Variants in CLXN observed in about 807,000 individuals in gnomAD.
CLXN encodes EF-hand calcium binding domain 1.
At chr8:48,727,434 G>A in the CLXN span, among the ~76,000 whole-genome samples, 5 of 152,146 alleles carry the variant, frequency 3.3e-5, no homozygotes, top group South Asian at 2.1e-4. Context: ...GATGAACAGG[G>A]AAGATTGTTA....
the CLXN span, among the ~76,000 whole-genome samples, chr8:48,728,714 A>G: frequency 6.6e-6 from 1 of 152,232 alleles, no homozygotes; most frequent in South Asian, 2.1e-4. Context: ...TATCATTATA[A>G]TAATATGTAT....
the CLXN span, chr8:48,731,617 T>C: frequency 1.4e-5 from 11 of 798,548 alleles, no homozygotes; most frequent in Non-Finnish European, 1.7e-5. Flanking sequence ...TAGGTAATTG[T>C]CAATAGAAGA....
At chr8:48,730,529 T>C in the CLXN span, 7 of 1,572,948 alleles carry the variant, frequency 4.5e-6, no homozygotes, top group Admixed American at 3.4e-5. Flanking sequence ...TAGGACAACC[T>C]GCAATCTTAC....
the CLXN span, among the ~76,000 whole-genome samples, chr8:48,718,354 T>C: frequency 3.9e-5 from 6 of 152,188 alleles, no homozygotes; most frequent in South Asian, 4.1e-4. Flanking sequence ...GGAATAAATT[T>C]ATAGCAATAC....
chr8:48,720,455 G>A, the CLXN span, among the ~76,000 whole-genome samples: 3 of 152,152 alleles, frequency 2.0e-5, no homozygotes, highest in African/African-American at 4.8e-5. Flanking sequence ...TTGTGCAGTT[G>A]AGATAAGGAC....
At chr8:48,722,540 T>C in the CLXN span, among the ~76,000 whole-genome samples, 2 of 152,164 alleles carry the variant, frequency 1.3e-5, no homozygotes, top group East Asian at 1.9e-4. Flanking sequence ...TAACTGTCAA[T>C]GAATAAATGA....
chr8:48,735,251 G>T, the CLXN span: 2 of 1,353,598 alleles, frequency 1.5e-6, no homozygotes, highest in African/African-American at 1.4e-5. Flanking sequence ...GGGTCAACGC[G>T]GTGAGGTCTC....
chr8:48,735,156 G>A, the CLXN span: 2 of 1,614,020 alleles, frequency 1.2e-6, no homozygotes, highest in Non-Finnish European at 1.7e-6. Flanking sequence ...GTTCATGTCT[G>A]GCGCTCAGAG....
chr8:48,716,915 CT>C, the CLXN span, among the ~76,000 whole-genome samples: 3 of 152,144 alleles, frequency 2.0e-5, no homozygotes, highest in Non-Finnish European at 4.4e-5. Flanking sequence ...TGGCTGAAAA[CT>C]TCCCAAATCT....
the CLXN span, chr8:48,730,710 T>G: frequency 2.3e-6 from 2 of 852,980 alleles, no homozygotes; most frequent in Non-Finnish European, 3.7e-6. Context: ...GTATCTACAT[T>G]GGCATCACTC....
the CLXN span, chr8:48,729,194 A>G: frequency 7.0e-7 from 1 of 1,428,310 alleles, no homozygotes; most frequent in South Asian, 1.2e-5. Flanking sequence ...TGATTACTGC[A>G]AATACATGCT....
chr8:48,718,125 G>C, the CLXN span, among the ~76,000 whole-genome samples: 1 of 152,116 alleles, frequency 6.6e-6, no homozygotes, highest in Non-Finnish European at 1.5e-5. Flanking sequence ...TAGGAGGAAA[G>C]TTAAAGGATG....
the CLXN span, chr8:48,730,720 CA>C: frequency 1.3e-6 from 1 of 775,630 alleles, no homozygotes; most frequent in Non-Finnish European, 2.0e-6. Context: ...TGGCATCACT[CA>C]CTTTTAAAAT....
the CLXN span, among the ~76,000 whole-genome samples, chr8:48,731,191 C>T: frequency 2.6e-5 from 4 of 152,148 alleles, no homozygotes; most frequent in Non-Finnish European, 5.9e-5. Context: ...AATATTACCT[C>T]CTTTTCTATG....
chr8:48,731,516 AAT>A, the CLXN span: 1 of 1,579,122 alleles, frequency 6.3e-7, no homozygotes, highest in African/African-American at 1.4e-5. Context: ...GAAATAATAA[AAT>A]AGATATAACA....
At chr8:48,730,614 C>A in the CLXN span, 1 of 1,610,812 alleles carries the variant, frequency 6.2e-7, no homozygotes. Context: ...ATTTACACAG[C>A]CATCATTATC....
chr8:48,732,015 C>T, the CLXN span, among the ~76,000 whole-genome samples: 6 of 152,076 alleles, frequency 3.9e-5, no homozygotes, highest in African/African-American at 1.4e-4. Context: ...AGCTTTAAAG[C>T]ATATTTTAGC....
At chr8:48,715,223 C>A in the CLXN span, 1 of 152,062 alleles carries the variant, frequency 6.6e-6, no homozygotes, top group Non-Finnish European at 1.5e-5. Flanking sequence ...AACCTCAATT[C>A]CTTTGTAATC....
At chr8:48,727,466 G>T in the CLXN span, among the ~76,000 whole-genome samples, 1 of 152,180 alleles carries the variant, frequency 6.6e-6, no homozygotes, top group Non-Finnish European at 1.5e-5. Context: ...ACAGGGCTCT[G>T]TGAGGAAGTG....
Sources: gnomAD v4.1 joint callset for allele counts (sites outside exome capture counted in the v4.1 genomes callset) on GRCh38, gnomAD v4.1.1 for gene constraint, MANE v1.5 for transcripts, NCBI Gene and HGNC (gene_info 2026-07-23, HGNC 2026-07-21) for gene names.